SYNRG: variants seen among roughly 807,000 people sequenced by gnomAD.
The protein encoded by SYNRG is synergin gamma.
A neutral mutation model predicts 130.9 loss-of-function variants in SYNRG; 37 were observed. That is an observed-to-expected ratio of 0.28 (90% CI 0.22 to 0.37). The LOEUF (loss-of-function observed/expected upper bound fraction) is 0.37. Among genes scored for constraint, SYNRG ranks in the 10% least tolerant of loss-of-function variants. SYNRG has a pLI of 1.00. For missense variants in SYNRG, 1,338 were observed against 1,588.9 expected (o/e 0.84, Z 2.68); for synonymous variants, 539 against 568.1 (o/e 0.95, Z 0.73).
Position 37,586,425 on chromosome 17 carries a change from T to C in SYNRG, c.365A>G (p.Glu122Gly). ...TPDMQKQFAE[E>G]QQKRFEQQQK... ...AATTCTGGTGATCTCTTACTGCTGCTCTTCGGCAAACTGCTTCTGCATGTC... is the reference window on the plus strand; with the variant it reads ...AATTCTGGTGATCTCTTACTGCTGCCCTTCGGCAAACTGCTTCTGCATGTC... Residue 122 changes from glutamate (E) to glycine (G), a missense_variant, in exon 4 of 22, where the codon GAG becomes GGG. Glu to Gly is a moderately conservative substitution (Grantham distance 98). This residue lies in a region of SYNRG where 184 missense variants were observed against 217.2 expected (regional missense o/e 0.85). Coordinates refer to ENST00000612223, the MANE Select transcript of SYNRG (RefSeq NM_007247.6). 6.2e-7 allele frequency: 1 copy of C among 1,614,162 alleles called. No individual in the cohort carries two copies. Among genetic ancestry groups the C allele is most frequent in the Non-Finnish European group, 8.5e-7 (1 of 1,180,016 alleles).
intron 1 of SYNRG, among the ~76,000 whole-genome samples, chr17:37,603,368 A>G (rs1223393312): frequency 1.3e-5 from 2 of 152,118 alleles, no homozygotes; most frequent in Non-Finnish European, 2.9e-5. Flanking sequence ...AACAACAACA[A>G]CAATAAATAA....
intron 4 of SYNRG, 101 bp downstream of exon 4, chr17:37,586,318 G>A: frequency 6.7e-7 from 1 of 1,500,116 alleles, no homozygotes; most frequent in Non-Finnish European, 9.0e-7. Context: ...GACAACTTTT[G>A]ACTGTTTTAG....
chr17:37,527,174 G>A (rs193075860), intron 19 of SYNRG, among the ~76,000 whole-genome samples: 27 of 152,332 alleles, frequency 1.8e-4, no homozygotes, highest in Admixed American at 1.2e-3. Context: ...GAGCCTGTAT[G>A]ATTGCCAGTT....
chr17:37,530,474 G>A (rs1252138437), intron 19 of SYNRG, among the ~76,000 whole-genome samples: 3 of 152,278 alleles, frequency 2.0e-5, no homozygotes, highest in Admixed American at 6.5e-5. Context: ...TATCACTAGC[G>A]AATCAATTTC....
chr17:37,609,288 C>T lies in SYNRG; in HGVS notation c.68G>A (p.Gly23Glu), dbSNP rs759361585. The T allele has an allele frequency of 2.1e-6, 3 of 1,451,912 alleles. No individual in the cohort carries two copies. Among genetic ancestry groups the T allele is most frequent in the East Asian group, 6.0e-5 (2 of 33,234 alleles). The allele number at this position is 1,451,912 out of a possible 1,614,324, so 89.9% of individuals were successfully genotyped here. A position where few individuals can be genotyped will look rare whatever the true frequency, so the allele number is the denominator to read the frequency against. The change falls in exon 1 of 22, where the codon GGG (glycine) becomes GAG (glutamate). Residue 23 changes from glycine (G) to glutamate (E), a missense_variant. By Grantham distance (98) the Gly-to-Glu change is moderately conservative (BLOSUM62 -2). Transcript: ENST00000612223. ...GGCTCTTCACACCTACCCGCCTCCC[C>T]CGGCGGACCCCGCGCCAGCTCCCGC... ...GAAGAGAGSA[G>E]GGGFMFPVAG...
intron 14 of SYNRG, among the ~76,000 whole-genome samples, chr17:37,551,598 C>T (rs925822068): frequency 3.9e-5 from 6 of 152,116 alleles, no homozygotes; most frequent in Non-Finnish European, 7.4e-5. Flanking sequence ...GGATTAGCCT[C>T]ATTTCATAAA....
chr17:37,548,279 T>G (rs1002140115), intron 14 of SYNRG, among the ~76,000 whole-genome samples: 2 of 152,176 alleles, frequency 1.3e-5, no homozygotes, highest in East Asian at 3.8e-4. Flanking sequence ...TACACTAAGA[T>G]CTCTTTCTTT....
chr17:37,561,358 G>T, intron 12 of SYNRG, 101 bp from the exon 13 acceptor site: 1 of 1,417,454 alleles, frequency 7.1e-7, no homozygotes, highest in Non-Finnish European at 1.0e-6. Flanking sequence ...ATTAACATGT[G>T]GTATACAGGC....
In SYNRG at chr17:37,577,628, T is replaced by C. The variant is rs1398028156; in HGVS notation, c.590-15A>G. 2 of 1,592,404 alleles carry C rather than the reference T, an allele frequency of 1.3e-6. No homozygotes were observed. The highest frequency in any genetic ancestry group is 2.2e-5 in the East Asian group (1 of 44,764). ...CAAGGAAGGGCCTAAACAAAGAGCA[T>C]GAAGGATTATTTGTATATAACTGTA... On this transcript the variant is annotated splice_polypyrimidine_tract_variant and intron_variant, in intron 6 of 21. Transcript: ENST00000612223.
chr17:37,579,231 G>A lies in SYNRG; in HGVS notation c.590-1618C>T, dbSNP rs1279976484. On this transcript the variant is annotated intron_variant, in intron 6 of 21. Coordinates refer to ENST00000612223, the MANE Select transcript of SYNRG (RefSeq NM_007247.6). The stretch of plus-strand genomic sequence containing the variant: ...AAAGGCACTGGACTCTGACTTGGAG[G>A]GAGAGGCTGTGTCCCAGCCTTCTGT... 14 of 1,279,070 alleles carry A rather than the reference G, an allele frequency of 1.1e-5. No individual in the cohort carries two copies. The East Asian group carries it at 4.5e-4, about 41-fold the overall frequency. 79.2% of individuals were successfully genotyped at this position (1,279,070 alleles called of 1,614,324 possible).
intron 2 of SYNRG, 116 bp downstream of exon 2, chr17:37,600,247 G>A: frequency 1.1e-6 from 1 of 918,502 alleles, no homozygotes. Flanking sequence ...TAAGAGTGCA[G>A]AAAATTTTAC....
chr17:37,607,979 AACAAGACAAAAGAAAAAG>A (rs2063951724), intron 1 of SYNRG, among the ~76,000 whole-genome samples: 1 of 145,504 alleles, frequency 6.9e-6, no homozygotes. Flanking sequence ...AAAAAAAAAA[AACAAGACAAAAGAAAAAG>A]AAAAAACAAA....
rs781223911 is a variant in SYNRG at position 37,596,237 on chromosome 17, G to A, written c.226C>T (p.Pro76Ser). Residue 76 changes from proline (P) to serine (S), a missense_variant, in exon 3 of 22, where the codon CCT becomes TCT. Physicochemically the swap from Pro to Ser is moderately conservative, Grantham distance 74. This residue lies in a region of SYNRG where 184 missense variants were observed against 217.2 expected (regional missense o/e 0.85). Transcript: ENST00000612223. ...GAAGCAAGTACCTGCATAGCAATAG[G>A]TCCTTGGGACATCTGAGAGCTGTAA... Reference protein sequence around the residue: ...MNYSSQMSQGPIAMQAGIPMG... With the variant: ...MNYSSQMSQGSIAMQAGIPMG... The A allele has an allele frequency of 6.8e-6, 11 of 1,613,956 alleles. No individual in the cohort carries two copies. The highest frequency in any genetic ancestry group is 9.3e-6 in the Non-Finnish European group (11 of 1,179,974).
chr17:37,600,328 A>T (rs771465663), intron 2 of SYNRG, 35 bp downstream of exon 2: 2 of 1,547,400 alleles, frequency 1.3e-6, no homozygotes, highest in South Asian at 2.4e-5. Flanking sequence ...CACAAGAGTG[A>T]AAAATAAAAG....
At chr17:37,541,846 C>T (rs914201412) in intron 15 of SYNRG, 126 bp downstream of exon 15, 4 of 932,536 alleles carry the variant, frequency 4.3e-6, no homozygotes, top group Non-Finnish European at 4.8e-6. Context: ...GTAATTGACC[C>T]TGATTTCAAA....
chr17:37,571,841 G>A lies in SYNRG; in HGVS notation c.1048C>T (p.Leu350Phe), dbSNP rs2060458096. 4 of 1,614,110 alleles carry A rather than the reference G, an allele frequency of 2.5e-6. No individual in the cohort carries two copies. The highest frequency in any genetic ancestry group is 1.3e-5 in the African/African-American group (1 of 75,022). ...ALANRTTPGK[L>F]TKEELYTVLA... Reference sequence around the variant, plus strand: ...ACGGTATAAAGTTCTTCTTTTGTAAGTTTGCCAGGTGTAGTTCGATTAGCT... The same window carrying A: ...ACGGTATAAAGTTCTTCTTTTGTAAATTTGCCAGGTGTAGTTCGATTAGCT... The change falls in exon 9 of 22, where the codon CTT (leucine) becomes TTT (phenylalanine). Residue 350 changes from leucine to phenylalanine, a missense_variant. By Grantham distance (22) the Leu-to-Phe change is conservative (BLOSUM62 0). This residue lies in a region of SYNRG where 1,146 missense variants were observed against 1,342.3 expected (regional missense o/e 0.85). Transcript: ENST00000612223.
rs924755274 is a variant in SYNRG at position 37,547,707 on chromosome 17, C to G, written c.2609-5142G>C. ...CCAACTCCTGACCTCAGGTGATCCG[C>G]CTGCCTTCGCCTCCCAAAGTGCTGG... is the stretch of plus-strand genomic sequence containing the variant. On this transcript the variant is annotated intron_variant, in intron 14 of 21. Transcript: ENST00000612223. 4.6e-4 allele frequency among the ~76,000 whole-genome samples: 70 copies of G among 152,198 alleles called. 3 individuals are homozygous for G. Among genetic ancestry groups the G allele is most frequent in the Non-Finnish European group, 5.9e-5 (4 of 68,034 alleles).
chr17:37,585,396 C>T lies in SYNRG; in HGVS notation c.406G>A (p.Glu136Lys). 6.2e-7 allele frequency: 1 copy of T among 1,613,674 alleles called. No individual in the cohort carries two copies. Among genetic ancestry groups the T allele is most frequent in the Non-Finnish European group, 8.5e-7 (1 of 1,179,988 alleles). Residue 136 changes from glutamate to lysine, a missense_variant, in exon 5 of 22, where the codon GAA (glutamate) becomes AAA (lysine). Physicochemically the swap from Glu to Lys is moderately conservative, Grantham distance 56 (BLOSUM62 1). Transcript: ENST00000612223. ...RFEQQQKLLE[E>K]ERKRRQFEEQ... ...TCAAACTGGCGTCTTTTTCTTTCTT[C>T]TTCTAAGAGTTTTTGCTGCTGTTCA...
intron 13 of SYNRG, among the ~76,000 whole-genome samples, chr17:37,559,604 C>T (rs756456492): frequency 4.6e-5 from 7 of 152,084 alleles, no homozygotes; most frequent in Non-Finnish European, 7.4e-5. Flanking sequence ...AAAGAAGAAT[C>T]GCTTGAACCC....
Sources: gnomAD v4.1 joint callset for allele counts (sites outside exome capture counted in the v4.1 genomes callset) on GRCh38, gnomAD v4.1.1 for gene constraint, gnomAD v4.1.1 regional missense constraint, MANE v1.5 for transcripts, NCBI Gene and HGNC (gene_info 2026-07-23, HGNC 2026-07-21) for gene names.